NRG3: variants seen among roughly 807,000 people sequenced by gnomAD.
NRG3 encodes the protein pro-neuregulin-3, membrane-bound isoform.
A neutral mutation model predicts 66.9 loss-of-function variants in NRG3; 31 were observed. The observed-to-expected ratio is 0.46, with a 90% CI of 0.35 to 0.63. NRG3 has a LOEUF of 0.63. Among genes scored for constraint, NRG3 ranks in the 20% least tolerant of loss-of-function variants. NRG3 has a pLI of 0.00. For synonymous variants in NRG3, 393 were observed against 359.4 expected, an observed-to-expected ratio of 1.09 and a Z score of -1.06; for missense variants, 910 against 878.9, an observed-to-expected ratio of 1.04 and a Z score of -0.45.
At chr10:82,098,287 TTATATA>T (rs925389802) in intron 1 of NRG3, among the ~76,000 whole-genome samples, 1 of 151,342 alleles carries the variant, frequency 6.6e-6, no homozygotes, top group Non-Finnish European at 1.5e-5. Context: ...TATATGTCAT[TTATATA>T]TATGTCATAT....
Position 82,951,458 on chromosome 10 carries a change from C to G in NRG3, c.1055-11C>G, listed in dbSNP as rs1425662859. On this transcript the variant is annotated splice_polypyrimidine_tract_variant and intron_variant, in intron 4 of 8. Coordinates refer to ENST00000372141, the MANE Select transcript of NRG3 (RefSeq NM_001010848.4). ...TAGCATCCATTCTAATTTTGTTTTT[C>G]AAATTCACAGAGAGTGAAGAAGTTT... is the stretch of plus-strand genomic sequence containing the variant. 2 of 1,608,844 alleles carry G rather than the reference C, an allele frequency of 1.2e-6. No individual in the cohort carries two copies. The highest frequency in any genetic ancestry group is 8.5e-7 in the Non-Finnish European group (1 of 1,175,430).
intron 1 of NRG3, among the ~76,000 whole-genome samples, chr10:82,166,315 G>T (rs1464261451): frequency 6.6e-6 from 1 of 152,112 alleles, no homozygotes; most frequent in African/African-American, 2.4e-5. Flanking sequence ...CACCAGGTCC[G>T]GCCTGATTGA....
chr10:82,890,104 A>G (rs1192440363), intron 4 of NRG3, among the ~76,000 whole-genome samples: 2 of 149,708 alleles, frequency 1.3e-5, no homozygotes, highest in Non-Finnish European at 3.0e-5. Flanking sequence ...TAGAAAATAC[A>G]GGGACTCTAG....
chr10:82,716,153 C>A (rs931747093), intron 2 of NRG3, among the ~76,000 whole-genome samples: 1 of 152,020 alleles, frequency 6.6e-6, no homozygotes, highest in African/African-American at 2.4e-5. Flanking sequence ...ATTTTAAAAA[C>A]CCGAGTGATT....
At chr10:82,273,902 G>A (rs548307274) in intron 1 of NRG3, among the ~76,000 whole-genome samples, 1 of 152,048 alleles carries the variant, frequency 6.6e-6, no homozygotes, top group African/African-American at 2.4e-5. Flanking sequence ...ATGACTGTGA[G>A]CCAGACGAAT....
At chr10:82,361,977 T>G (rs1246677534) in intron 2 of NRG3, among the ~76,000 whole-genome samples, 3 of 151,098 alleles carry the variant, frequency 2.0e-5, no homozygotes, top group East Asian at 3.9e-4. Context: ...TTTTCTGTGT[T>G]GTGAAAATAG....
At chr10:82,085,831 G>A (rs992544759) in intron 1 of NRG3, among the ~76,000 whole-genome samples, 1 of 151,892 alleles carries the variant, frequency 6.6e-6, no homozygotes, top group African/African-American at 2.4e-5. Flanking sequence ...TAGAGGCTGG[G>A]TTTCACCATG....
intron 4 of NRG3, among the ~76,000 whole-genome samples, chr10:82,929,924 CA>C (rs1288609347): frequency 1.3e-5 from 2 of 150,052 alleles, no homozygotes; most frequent in East Asian, 3.9e-4. Flanking sequence ...TTATAATATA[CA>C]ACACAAAGAG....
intron 1 of NRG3, among the ~76,000 whole-genome samples, chr10:82,345,765 G>A (rs1232956266): frequency 6.6e-6 from 1 of 151,810 alleles, no homozygotes; most frequent in Admixed American, 6.6e-5. Context: ...AGTTATCCTT[G>A]AAGAGGTCCT....
chr10:82,134,142 T>C (rs765978899), intron 1 of NRG3, among the ~76,000 whole-genome samples: 37 of 152,196 alleles, frequency 2.4e-4, no homozygotes, highest in Non-Finnish European at 3.8e-4. Flanking sequence ...TTAAATTCTT[T>C]ATAGGTGCTG....
chr10:82,673,234 G>A (rs2053428199), intron 2 of NRG3, among the ~76,000 whole-genome samples: 2 of 152,220 alleles, frequency 1.3e-5, no homozygotes, highest in Non-Finnish European at 1.5e-5. Flanking sequence ...ACAGGCTTTA[G>A]CCTCCCTTGA....
At chr10:82,096,885 C>G (rs559503927) in intron 1 of NRG3, among the ~76,000 whole-genome samples, 1 of 151,956 alleles carries the variant, frequency 6.6e-6, no homozygotes, top group South Asian at 2.1e-4. Context: ...TAGAATAAGC[C>G]CTGATTTATC....
At chr10:82,932,627 G>A (rs1847683300) in intron 4 of NRG3, among the ~76,000 whole-genome samples, 2 of 152,078 alleles carry the variant, frequency 1.3e-5, no homozygotes, top group African/African-American at 4.8e-5. Flanking sequence ...AGATGATTCC[G>A]GAAACACTGA....
At chr10:82,877,899 A>C (rs1841979370) in intron 4 of NRG3, among the ~76,000 whole-genome samples, 1 of 152,164 alleles carries the variant, frequency 6.6e-6, no homozygotes, top group African/African-American at 2.4e-5. Flanking sequence ...ATAGCTTCAC[A>C]AAGTCTTAGG....
chr10:82,254,911 C>T (rs1441730293), intron 1 of NRG3, among the ~76,000 whole-genome samples: 6 of 152,014 alleles, frequency 3.9e-5, no homozygotes, highest in East Asian at 1.9e-4. Context: ...GAAGAATTTA[C>T]GATAATTTAT....
intron 1 of NRG3, among the ~76,000 whole-genome samples, chr10:82,283,028 C>T (rs2079212726): frequency 1.3e-5 from 2 of 152,030 alleles, no homozygotes; most frequent in African/African-American, 4.8e-5. Flanking sequence ...CTCTGTGAGG[C>T]TGATCATCTG....
At chr10:82,754,821 G>T (rs1369007460) in intron 3 of NRG3, among the ~76,000 whole-genome samples, 1 of 152,032 alleles carries the variant, frequency 6.6e-6, no homozygotes, top group Non-Finnish European at 1.5e-5. Flanking sequence ...ATTATGAGGG[G>T]TGACTCATTA....
At chr10:82,335,911 A>C (rs968560382) in intron 1 of NRG3, among the ~76,000 whole-genome samples, 1 of 152,186 alleles carries the variant, frequency 6.6e-6, no homozygotes, top group African/African-American at 2.4e-5. Flanking sequence ...TTTTATATCA[A>C]GTGTTGGTAA....
chr10:82,808,531 T>G (rs1055781419), intron 3 of NRG3, among the ~76,000 whole-genome samples: 4 of 152,164 alleles, frequency 2.6e-5, no homozygotes, highest in Admixed American at 6.6e-5. Flanking sequence ...GTGAGATCTT[T>G]CATAGATGAT....
Sources: allele counts gnomAD v4.1 joint callset (sites outside exome capture counted in the v4.1 genomes callset), GRCh38; gene constraint gnomAD v4.1.1; transcripts MANE v1.5; gene names NCBI Gene and HGNC (gene_info 2026-07-23, HGNC 2026-07-21).